NRXN3: variants seen among roughly 807,000 people sequenced by gnomAD.
The protein encoded by NRXN3 is neurexin 3.
A neutral mutation model predicts 137.6 loss-of-function variants in NRXN3; 32 were observed. That is an observed-to-expected ratio of 0.23 (90% confidence interval 0.18 to 0.31). NRXN3 has a LOEUF of 0.31. Among genes scored for constraint, NRXN3 ranks in the 10% least tolerant of loss-of-function variants. The pLI is 1.00. For synonymous variants in NRXN3, 798 were observed against 784.5 expected, an observed-to-expected ratio of 1.02 and a Z score of -0.29; for missense variants, 1,574 against 2,062.5, an observed-to-expected ratio of 0.76 and a Z score of 4.59.
At chr14:79,303,169 G>A (rs1250309620) in intron 15 of NRXN3, among the ~76,000 whole-genome samples, 1 of 151,976 alleles carries the variant, frequency 6.6e-6, no homozygotes, top group Admixed American at 6.6e-5. Context: ...TGGGGCTTTA[G>A]GGAATGCCCT....
At chr14:78,769,739 T>A (rs1446168758) in intron 8 of NRXN3, among the ~76,000 whole-genome samples, 1 of 152,222 alleles carries the variant, frequency 6.6e-6, no homozygotes, top group Non-Finnish European at 1.5e-5. Flanking sequence ...ATCAAGTGTG[T>A]AATCTAGAAA....
rs1428314577 is a variant in NRXN3 at position 79,853,763 on chromosome 14, C to CA, written c.4094-7574dup. 5 of 1,033,064 alleles carry CA rather than the reference C, an allele frequency of 4.8e-6. No individual in the cohort carries two copies. In the East Asian group the frequency reaches 3.5e-4, roughly 72 times the overall value. 64.0% of individuals were successfully genotyped at this position (1,033,064 alleles called of 1,614,324 possible). A position where few individuals can be genotyped will look rare whatever the true frequency, so the allele number is the denominator to read the frequency against. ...AAATTAAAGAAAGCCTAAAATTTGT[C>CA]AAAAAGACAAAAAAATATATATATC... On this transcript the variant is annotated intron_variant, in intron 20 of 20. Coordinates refer to ENST00000335750, the MANE Select transcript of NRXN3 (RefSeq NM_001330195.2).
rs1453712045 is a variant in NRXN3, at chr14:79,865,178, T to C, written c.*3214T>C. The C allele has an allele frequency of 6.6e-6, 1 of 152,228 alleles. No individual in the cohort carries two copies. Among genetic ancestry groups the C allele is most frequent in the Non-Finnish European group, 1.5e-5 (1 of 68,040 alleles). 9.4% of individuals were successfully genotyped at this position (152,228 alleles called of 1,614,324 possible). On this transcript the variant is annotated 3_prime_UTR_variant, in exon 21 of 21. Transcript: ENST00000335750. The stretch of plus-strand genomic sequence containing the variant: ...GCACTAGAAAGTCTTAGATGTCTTC[T>C]TTCCAAGCCTCCCACCATATTAAAA...
At chr14:79,467,919 C>G (rs1446240792) in intron 16 of NRXN3, among the ~76,000 whole-genome samples, 1 of 152,186 alleles carries the variant, frequency 6.6e-6, no homozygotes, top group African/African-American at 2.4e-5. Context: ...ATGCATGAGA[C>G]TGTATTCCAA....
intron 16 of NRXN3, among the ~76,000 whole-genome samples, chr14:79,480,808 C>T (rs2096600635): frequency 6.6e-6 from 1 of 151,988 alleles, no homozygotes; most frequent in African/African-American, 2.4e-5. Flanking sequence ...TGTGTAGCAC[C>T]TTCCCCTCTC....
intron 17 of NRXN3, among the ~76,000 whole-genome samples, chr14:79,690,666 A>C (rs1260261746): frequency 1.3e-5 from 2 of 152,046 alleles, no homozygotes; most frequent in African/African-American, 2.4e-5. Context: ...TCTGTATGAG[A>C]AGTGAATGGG....
At chr14:78,172,086 C>A (rs2058779214) in intron 1 of NRXN3, among the ~76,000 whole-genome samples, 1 of 152,130 alleles carries the variant, frequency 6.6e-6, no homozygotes, top group South Asian at 2.1e-4. Context: ...TTCTTCCTCT[C>A]CGCTGGGTCC....
chr14:78,726,689 T>C (rs2098485397), intron 8 of NRXN3, among the ~76,000 whole-genome samples: 1 of 151,868 alleles, frequency 6.6e-6, no homozygotes, highest in African/African-American at 2.4e-5. Flanking sequence ...CGGCTAATTT[T>C]TGTATTTTTT....
chr14:78,272,429 G>T (rs1334212621), intron 2 of NRXN3, among the ~76,000 whole-genome samples: 1 of 152,166 alleles, frequency 6.6e-6, no homozygotes, highest in Non-Finnish European at 1.5e-5. Context: ...TTCTATAAGG[G>T]TGGGGCAAGT....
intron 20 of NRXN3, among the ~76,000 whole-genome samples, chr14:79,821,502 G>C (rs932263): frequency 0.9 from 136,947 of 152,174 alleles, 61,640 homozygotes; most frequent in East Asian, 0.96. Flanking sequence ...AAGGCATAAT[G>C]AGACACACAG....
intron 4 of NRXN3, among the ~76,000 whole-genome samples, chr14:78,329,372 A>G (rs1274517360): frequency 6.6e-6 from 1 of 152,112 alleles, no homozygotes; most frequent in Non-Finnish European, 1.5e-5. Context: ...GTGTTTGTAT[A>G]TGTCTCTTTA....
intron 17 of NRXN3, among the ~76,000 whole-genome samples, chr14:79,672,839 A>G (rs111808652): frequency 1.8e-4 from 28 of 152,202 alleles, no homozygotes; most frequent in African/African-American, 6.5e-4. Flanking sequence ...AAAGTTTCCA[A>G]GTTCCAGTCT....
intron 16 of NRXN3, among the ~76,000 whole-genome samples, chr14:79,538,409 G>A (rs889534745): frequency 6.6e-5 from 10 of 152,016 alleles, no homozygotes; most frequent in African/African-American, 2.2e-4. Context: ...TTTCTTCTAG[G>A]GTTTTTATGG....
At chr14:79,267,300 G>A (rs778385722) in intron 15 of NRXN3, among the ~76,000 whole-genome samples, 4 of 151,784 alleles carry the variant, frequency 2.6e-5, no homozygotes, top group East Asian at 1.9e-4. Flanking sequence ...TTCTAAACAC[G>A]CATAAATTTA....
At chr14:78,983,663 C>A (rs1397162297) in intron 14 of NRXN3, among the ~76,000 whole-genome samples, 1 of 151,738 alleles carries the variant, frequency 6.6e-6, no homozygotes, top group Admixed American at 6.6e-5. Context: ...CTGAGACCAT[C>A]CTGGCCAACA....
intron 4 of NRXN3, among the ~76,000 whole-genome samples, chr14:78,608,868 G>C (rs968213297): frequency 1.3e-5 from 2 of 152,172 alleles, no homozygotes; most frequent in Non-Finnish European, 2.9e-5. Context: ...GCCTGGAGGA[G>C]AGGAAGCTTA....
At chr14:79,833,398 G>T (rs1233765914) in intron 20 of NRXN3, among the ~76,000 whole-genome samples, 1 of 152,122 alleles carries the variant, frequency 6.6e-6, no homozygotes, top group Non-Finnish European at 1.5e-5. Flanking sequence ...AATTAATTCT[G>T]TGTTGATTTT....
intron 4 of NRXN3, among the ~76,000 whole-genome samples, chr14:78,557,072 A>T (rs2096745596): frequency 6.9e-6 from 1 of 145,614 alleles, no homozygotes; most frequent in African/African-American, 2.6e-5. Context: ...CTTTTCTGAG[A>T]CCGGGACTTG....
chr14:78,239,853 G>A (rs113126719), intron 1 of NRXN3, among the ~76,000 whole-genome samples: 242 of 152,082 alleles, frequency 1.6e-3, no homozygotes, highest in African/African-American at 5.4e-3. Context: ...GATCACAGTC[G>A]CCTGCCACTG....
Sources: gnomAD v4.1 joint callset for allele counts (sites outside exome capture counted in the v4.1 genomes callset) on GRCh38, gnomAD v4.1.1 for gene constraint, MANE v1.5 for transcripts, NCBI Gene and HGNC (gene_info 2026-07-23, HGNC 2026-07-21) for gene names.